Variants in SLCO3A1 observed in about 807,000 individuals in gnomAD.
SLCO3A1 encodes the protein solute carrier organic anion transporter family member 3A1.
A neutral mutation model predicts 63.1 loss-of-function variants in SLCO3A1; 27 were observed. The observed-to-expected ratio is 0.43, with a 90% CI of 0.32 to 0.59. The LOEUF is 0.59. Among genes scored for constraint, SLCO3A1 ranks in the 20% least tolerant of loss-of-function variants. The pLI is 0.09. For missense variants in SLCO3A1, 773 were observed against 945.8 expected (o/e 0.82, Z 2.40); for synonymous variants, 473 against 409.9 (o/e 1.15, Z -1.86).
intron 1 of SLCO3A1, among the ~76,000 whole-genome samples, chr15:91,899,156 G>A (rs1370390593): frequency 6.6e-6 from 1 of 152,170 alleles, no homozygotes; most frequent in Non-Finnish European, 1.5e-5. Context: ...GAAACATTCT[G>A]GAACTCTGGA....
intron 1 of SLCO3A1, among the ~76,000 whole-genome samples, chr15:91,895,426 A>AT (rs1897979431): frequency 6.6e-6 from 1 of 152,176 alleles, no homozygotes; most frequent in Non-Finnish European, 1.5e-5. Flanking sequence ...AGGCCATAGG[A>AT]TTTAGGGCTG....
At chr15:91,881,944 C>T (rs1011198570) in intron 1 of SLCO3A1, among the ~76,000 whole-genome samples, 1 of 152,182 alleles carries the variant, frequency 6.6e-6, no homozygotes, top group South Asian at 2.1e-4. Flanking sequence ...CTCTTCGGGT[C>T]TCTTTTACAA....
intron 2 of SLCO3A1, among the ~76,000 whole-genome samples, chr15:92,082,366 C>T (rs112500849): frequency 6.6e-6 from 1 of 152,170 alleles, no homozygotes. Flanking sequence ...AAAGCCCTGA[C>T]GGAGGGTTTC....
intron 2 of SLCO3A1, among the ~76,000 whole-genome samples, chr15:92,090,838 C>T (rs2047464095): frequency 6.6e-6 from 1 of 152,188 alleles, no homozygotes; most frequent in Non-Finnish European, 1.5e-5. Context: ...ATGCCAGACA[C>T]TTTTCTAAGA....
At chr15:92,058,840 G>A (rs534551130) in intron 2 of SLCO3A1, among the ~76,000 whole-genome samples, 3 of 152,238 alleles carry the variant, frequency 2.0e-5, no homozygotes, top group South Asian at 2.1e-4. Context: ...CTGGCAATGC[G>A]AGGTGTTATT....
intron 2 of SLCO3A1, among the ~76,000 whole-genome samples, chr15:91,958,971 CAT>C (rs1567038761): frequency 6.6e-5 from 10 of 152,182 alleles, no homozygotes; most frequent in Non-Finnish European, 1.5e-5. Context: ...CATGCACACA[CAT>C]GTTTATAGCA....
In SLCO3A1 at chr15:91,886,176, G is replaced by A. The variant is rs9302355; in HGVS notation, c.181-29817G>A. Among the ~76,000 whole-genome samples, 25,986 of 152,068 alleles carry A rather than the reference G, an allele frequency of 0.17. 2,471 individuals are homozygous for A. The highest frequency in any genetic ancestry group is 0.36 in the East Asian group (1,859 of 5,158). Reference sequence around the variant, plus strand: ...GTTCCCTTTCTTGAGTGTGTCCTGCGCTTCCCCTTGGTCTCCCTTAGTTGT... The same window carrying A: ...GTTCCCTTTCTTGAGTGTGTCCTGCACTTCCCCTTGGTCTCCCTTAGTTGT... On this transcript the variant is annotated intron_variant, in intron 1 of 9. Coordinates refer to ENST00000318445, the MANE Select transcript of SLCO3A1 (RefSeq NM_013272.4). The surrounding 1 kb of genome is among the most constrained non-coding windows in gnomAD (Gnocchi z 4.9).
intron 1 of SLCO3A1, among the ~76,000 whole-genome samples, chr15:91,867,375 G>A (rs1897190629): frequency 6.6e-6 from 1 of 152,142 alleles, no homozygotes; most frequent in South Asian, 2.1e-4. Context: ...GTGCCACATG[G>A]GAGGGGGGCA....
At chr15:91,961,297 T>C (rs1900436160) in intron 2 of SLCO3A1, among the ~76,000 whole-genome samples, 1 of 152,254 alleles carries the variant, frequency 6.6e-6, no homozygotes, top group Non-Finnish European at 1.5e-5. Flanking sequence ...CCTTGGCAAG[T>C]ACTTGTGTTT....
At chr15:91,979,886 G>A (rs1302631679) in intron 2 of SLCO3A1, among the ~76,000 whole-genome samples, 1 of 152,164 alleles carries the variant, frequency 6.6e-6, no homozygotes, top group Non-Finnish European at 1.5e-5. Context: ...TGAGGATCAT[G>A]GCATTCATCA....
chr15:92,042,699 C>T (rs565159296), intron 2 of SLCO3A1, among the ~76,000 whole-genome samples: 11 of 152,200 alleles, frequency 7.2e-5, no homozygotes, highest in Admixed American at 2.0e-4. Flanking sequence ...CACCAGATAG[C>T]TGAGGGAGGA....
intron 2 of SLCO3A1, among the ~76,000 whole-genome samples, chr15:92,034,802 C>T (rs955730928): frequency 9.2e-5 from 14 of 152,044 alleles, no homozygotes; most frequent in South Asian, 4.2e-4. Flanking sequence ...GTCATTGAGA[C>T]GTTGGCTGGC....
chr15:92,094,275 AG>A (rs1221978828), intron 2 of SLCO3A1, among the ~76,000 whole-genome samples: 1 of 152,270 alleles, frequency 6.6e-6, no homozygotes, highest in African/African-American at 2.4e-5. Flanking sequence ...CAGTGGAAAC[AG>A]ATAATGACTT....
intron 2 of SLCO3A1, among the ~76,000 whole-genome samples, chr15:92,005,321 A>G (rs2046300418): frequency 6.6e-6 from 1 of 152,236 alleles, no homozygotes; most frequent in South Asian, 2.1e-4. Context: ...CCAGGCAGTC[A>G]CAGCCTGCAC....
At chr15:92,097,343 T>C (rs765755197) in intron 3 of SLCO3A1, among the ~76,000 whole-genome samples, 3 of 152,166 alleles carry the variant, frequency 2.0e-5, no homozygotes, top group Non-Finnish European at 4.4e-5. Context: ...CAAACTCTCT[T>C]AGGAGAATGA....
intron 1 of SLCO3A1, among the ~76,000 whole-genome samples, chr15:91,869,301 C>T (rs1196256038): frequency 3.9e-5 from 6 of 151,920 alleles, no homozygotes; most frequent in East Asian, 1.9e-4. Flanking sequence ...TTTGGGAGGC[C>T]GAGGTGGGTG....
At chr15:92,151,183 CA>C in intron 9 of SLCO3A1, 169 bp downstream of exon 9, 1 of 574,492 alleles carries the variant, frequency 1.7e-6, no homozygotes, top group Non-Finnish European at 3.0e-6. Flanking sequence ...GAGATAAACT[CA>C]GACACTGCCT....
chr15:92,088,282 C>T (rs1369380948), intron 2 of SLCO3A1, among the ~76,000 whole-genome samples: 1 of 152,200 alleles, frequency 6.6e-6, no homozygotes, highest in Non-Finnish European at 1.5e-5. Flanking sequence ...TCATCTCTGC[C>T]TGAGGGGCTT....
intron 9 of SLCO3A1, among the ~76,000 whole-genome samples, chr15:92,160,182 G>A (rs1346240582): frequency 1.3e-5 from 2 of 152,120 alleles, no homozygotes; most frequent in East Asian, 1.9e-4. Context: ...ATTATGCCCC[G>A]TGCAGAGATA....
Sources: gnomAD v4.1 joint callset for allele counts (sites outside exome capture counted in the v4.1 genomes callset) on GRCh38, gnomAD v4.1.1 for gene constraint, Gnocchi (gnomAD v3.1) non-coding constraint, MANE v1.5 for transcripts, NCBI Gene and HGNC (gene_info 2026-07-23, HGNC 2026-07-21) for gene names.